The following DIS3L2 variants were observed in gnomAD, a reference collection of about 807,000 sequenced individuals.
DIS3L2 encodes DIS3-like exonuclease 2.
In DIS3L2, 34 loss-of-function variants were observed where a neutral mutation model predicts 97.5. That is an observed-to-expected ratio of 0.35 (90% CI 0.27 to 0.46). The LOEUF is 0.46. Ranked by LOEUF, DIS3L2 falls within the 20% of genes least tolerant of loss-of-function variation. The probability of loss-of-function intolerance (pLI) is 1.00; values close to 1 mark genes in which losing one functional copy is unlikely to be tolerated. For synonymous variants in DIS3L2, 435 were observed against 445.2 expected (o/e 0.98, Z 0.29); for missense variants, 1,038 against 1,146.0 (o/e 0.91, Z 1.36).
Position 232,139,165 on chromosome 2 carries a change from G to C in DIS3L2, c.950+2446G>C, listed in dbSNP as rs11676403. Reference sequence around the variant, plus strand: ...AAGCTGGTGATTCTTTTAAAAACCAGAGCAGGAAATGGAGGAAGTCTCATG... The same window carrying C: ...AAGCTGGTGATTCTTTTAAAAACCACAGCAGGAAATGGAGGAAGTCTCATG... On this transcript the variant is annotated intron_variant, in intron 8 of 20. Coordinates refer to ENST00000325385, the MANE Select transcript of DIS3L2 (RefSeq NM_152383.5). Among the ~76,000 whole-genome samples the C allele has an allele frequency of 2.9e-3, 435 of 152,270 alleles. 1 individual carries two copies. Among genetic ancestry groups the C allele is most frequent in the Non-Finnish European group, 4.7e-3 (323 of 68,028 alleles).
intron 13 of DIS3L2, among the ~76,000 whole-genome samples, chr2:232,280,973 G>A (rs11686328): frequency 0.12 from 17,997 of 152,210 alleles, 1,477 homozygotes; most frequent in African/African-American, 0.23. Flanking sequence ...GAGCATTGCC[G>A]TGGGTTGGTT....
At chr2:232,077,478 C>T in intron 5 of DIS3L2, among the ~76,000 whole-genome samples, 1 of 152,014 alleles carries the variant, frequency 6.6e-6, no homozygotes, top group South Asian at 2.1e-4. Flanking sequence ...GCTGCAAATG[C>T]CATTTATTTC....
rs1209057640 is a variant in DIS3L2 at position 232,163,481 on chromosome 2, C to A, written c.973C>A (p.Gln325Lys). 7.4e-6 allele frequency: 12 copies of A among 1,613,834 alleles called. No homozygotes were observed. Among genetic ancestry groups the A allele is most frequent in the Non-Finnish European group, 1.0e-5 (12 of 1,179,940 alleles). ...ALGQLAKSLG[Q>K]AGEIEPETEG... Reference sequence around the variant, plus strand: ...TAGGCAGCTGGCTAAGAGTCTTGGGCAGGCTGGTGAAATTGAGCCTGAAAC... The same window carrying A: ...TAGGCAGCTGGCTAAGAGTCTTGGGAAGGCTGGTGAAATTGAGCCTGAAAC... The change falls in exon 9 of 21, where the codon CAG becomes AAG. Residue 325 changes from glutamine to lysine, a missense_variant. Physicochemically the swap from Gln to Lys is moderately conservative, Grantham distance 53 (BLOSUM62 1). This residue lies in a region of DIS3L2 where 813 missense variants were observed against 880.1 expected (regional missense o/e 0.92). Coordinates refer to ENST00000325385, the MANE Select transcript of DIS3L2 (RefSeq NM_152383.5).
At chr2:231,978,690 G>A (rs938933803) in intron 1 of DIS3L2, 1 of 152,202 alleles carries the variant, frequency 6.6e-6, no homozygotes, top group Non-Finnish European at 1.5e-5. Flanking sequence ...CTCTTCAAGG[G>A]GGTGTTAGCT....
At chr2:232,231,454 G>A (rs571983693) in intron 10 of DIS3L2, among the ~76,000 whole-genome samples, 63 of 152,366 alleles carry the variant, frequency 4.1e-4, no homozygotes, top group African/African-American at 1.4e-3. Context: ...TGTCCTCCAA[G>A]GAGATGGGCT....
intron 5 of DIS3L2, among the ~76,000 whole-genome samples, chr2:232,059,307 T>C (rs1049542757): frequency 6.6e-6 from 1 of 152,180 alleles, no homozygotes; most frequent in African/African-American, 2.4e-5. Context: ...AATATGAAAT[T>C]TGTATTCTAG....
At chr2:232,033,507 C>T (rs946388245) in intron 5 of DIS3L2, among the ~76,000 whole-genome samples, 23 of 152,200 alleles carry the variant, frequency 1.5e-4, no homozygotes, top group African/African-American at 4.1e-4. Flanking sequence ...TCCAGTACTA[C>T]GTTGAATAGA....
At chr2:232,192,763 A>T (rs1691649857) in intron 9 of DIS3L2, among the ~76,000 whole-genome samples, 1 of 152,202 alleles carries the variant, frequency 6.6e-6, no homozygotes, top group South Asian at 2.1e-4. Flanking sequence ...GAAACTTTCC[A>T]CAGCTGTTGC....
chr2:232,129,002 C>CA (rs1422259376), intron 6 of DIS3L2, among the ~76,000 whole-genome samples: 3 of 152,172 alleles, frequency 2.0e-5, no homozygotes, highest in African/African-American at 7.2e-5. Context: ...GATAGAAAAT[C>CA]ATGATTGGGC....
chr2:232,160,196 C>T (rs988067208), intron 8 of DIS3L2, among the ~76,000 whole-genome samples: 2 of 152,132 alleles, frequency 1.3e-5, no homozygotes, highest in Non-Finnish European at 2.9e-5. Context: ...GGCAATAATT[C>T]TTTCTTAAAT....
intron 9 of DIS3L2, among the ~76,000 whole-genome samples, chr2:232,201,557 C>A (rs755987052): frequency 6.6e-6 from 1 of 152,306 alleles, no homozygotes; most frequent in South Asian, 2.1e-4. Flanking sequence ...ATTGTGGAAA[C>A]TTTGATTAGA....
chr2:232,216,746 G>A (rs1280636274), intron 10 of DIS3L2, among the ~76,000 whole-genome samples: 5 of 152,188 alleles, frequency 3.3e-5, no homozygotes, highest in Non-Finnish European at 7.4e-5. Context: ...AGAGTTGATC[G>A]TTTTGCAGGG....
intron 12 of DIS3L2, among the ~76,000 whole-genome samples, chr2:232,255,225 A>G (rs1303099819): frequency 6.6e-6 from 1 of 152,198 alleles, no homozygotes; most frequent in Non-Finnish European, 1.5e-5. Context: ...GAAGAGGAGG[A>G]TCTCCGAAGC....
At chr2:232,216,166 C>T (rs1271842532) in intron 10 of DIS3L2, among the ~76,000 whole-genome samples, 1 of 152,240 alleles carries the variant, frequency 6.6e-6, no homozygotes, top group Admixed American at 6.5e-5. Flanking sequence ...TTTCTCACTT[C>T]CCGTGTATTC....
At chr2:232,111,271 A>G in intron 6 of DIS3L2, 1 of 471,480 alleles carries the variant, frequency 2.1e-6, no homozygotes, top group African/African-American at 2.0e-5. Flanking sequence ...TTCATTAAAG[A>G]AAAATACTTG....
intron 8 of DIS3L2, among the ~76,000 whole-genome samples, chr2:232,161,947 A>G (rs566612843): frequency 1.3e-5 from 2 of 151,608 alleles, no homozygotes; most frequent in Admixed American, 6.6e-5. Context: ...TAATTTTTGT[A>G]TTTTTGATAG....
intron 5 of DIS3L2, among the ~76,000 whole-genome samples, chr2:232,049,771 A>G (rs567619242): frequency 5.4e-4 from 82 of 152,160 alleles, no homozygotes; most frequent in Non-Finnish European, 9.7e-4. Context: ...TGGTTTTATC[A>G]TCTTCAGTAT....
intron 5 of DIS3L2, among the ~76,000 whole-genome samples, chr2:232,047,158 A>T (rs1158634145): frequency 6.6e-6 from 1 of 152,240 alleles, no homozygotes; most frequent in Non-Finnish European, 1.5e-5. Context: ...AGAATATTGC[A>T]AAGTTATTTC....
intron 9 of DIS3L2, among the ~76,000 whole-genome samples, chr2:232,170,808 T>C (rs1359712964): frequency 1.3e-5 from 2 of 152,164 alleles, no homozygotes; most frequent in Non-Finnish European, 2.9e-5. Flanking sequence ...TTGAAAAATC[T>C]TCAAGATGGA....
Sources: gnomAD v4.1 joint callset for allele counts (sites outside exome capture counted in the v4.1 genomes callset) on GRCh38, gnomAD v4.1.1 for gene constraint, gnomAD v4.1.1 regional missense constraint, MANE v1.5 for transcripts, NCBI Gene and HGNC (gene_info 2026-07-23, HGNC 2026-07-21) for gene names.